C1orf87: variants seen among roughly 807,000 people sequenced by gnomAD.
The protein encoded by C1orf87 is chromosome 1 open reading frame 87.
In C1orf87, 58 loss-of-function variants were observed where a neutral mutation model predicts 60.5. The observed-to-expected ratio is 0.96, with a 90% CI of 0.78 to 1.19. The LOEUF (loss-of-function observed/expected upper bound fraction) is 1.19, where lower values mean the gene tolerates loss of function less well. Ranked by LOEUF, C1orf87 falls within the 50% of genes most tolerant of loss-of-function variation. The pLI is 0.00. For missense variants in C1orf87, 673 were observed against 638.6 expected (o/e 1.05, Z -0.58); for synonymous variants, 236 against 227.4 (o/e 1.04, Z -0.34).
At chr1:59,992,643 C>T (rs184919595) in intron 11 of C1orf87, among the ~76,000 whole-genome samples, 74 of 152,232 alleles carry the variant, frequency 4.9e-4, no homozygotes, top group African/African-American at 1.7e-3. Context: ...TGTCATTTTG[C>T]GGAAAGCCAC....
At chr1:59,992,497 C>T (rs762126854) in intron 11 of C1orf87, among the ~76,000 whole-genome samples, 68 of 152,186 alleles carry the variant, frequency 4.5e-4, no homozygotes, top group East Asian at 1.4e-3. Flanking sequence ...TCAAGCAACC[C>T]TCCCCCTAAT....
At chr1:60,029,369 C>T (rs1212723456) in intron 7 of C1orf87, among the ~76,000 whole-genome samples, 20 of 152,124 alleles carry the variant, frequency 1.3e-4, no homozygotes. Flanking sequence ...AATCAATTCT[C>T]CAAATTCGAT....
chr1:60,034,458 G>A (rs1645261066), intron 6 of C1orf87, among the ~76,000 whole-genome samples: 1 of 152,136 alleles, frequency 6.6e-6, no homozygotes, highest in African/African-American at 2.4e-5. Context: ...TCCCTAGAGG[G>A]ACAGTCCATG....
intron 7 of C1orf87, among the ~76,000 whole-genome samples, chr1:60,031,088 C>T (rs1437203691): frequency 1.3e-5 from 2 of 152,018 alleles, no homozygotes; most frequent in Non-Finnish European, 2.9e-5. Context: ...CTCTTCTGCA[C>T]CCAAAGGAAA....
chr1:60,039,117 A>C (rs1645299404), intron 5 of C1orf87, among the ~76,000 whole-genome samples: 1 of 152,176 alleles, frequency 6.6e-6, no homozygotes, highest in African/African-American at 2.4e-5. Context: ...TTTCTGGATG[A>C]GATCATTGAG....
intron 3 of C1orf87, among the ~76,000 whole-genome samples, chr1:60,048,077 G>T (rs1645386025): frequency 6.6e-6 from 1 of 151,966 alleles, no homozygotes; most frequent in East Asian, 1.9e-4. Context: ...AATTAAGATT[G>T]GTCTATGTGA....
At chr1:60,066,785 T>C (rs985387996) in intron 2 of C1orf87, among the ~76,000 whole-genome samples, 1 of 152,058 alleles carries the variant, frequency 6.6e-6, no homozygotes, top group Non-Finnish European at 1.5e-5. Flanking sequence ...CATCAACCTG[T>C]CACCTACATT....
At chr1:60,022,663 CTCAT>C (rs529200652) in intron 8 of C1orf87, among the ~76,000 whole-genome samples, 28 of 152,010 alleles carry the variant, frequency 1.8e-4, no homozygotes, top group Middle Eastern at 3.4e-3. Context: ...TTTTTTTTCC[CTCAT>C]TAAGTTGAAA....
intron 2 of C1orf87, among the ~76,000 whole-genome samples, chr1:60,068,471 A>G (rs1242670902): frequency 6.6e-6 from 1 of 151,918 alleles, no homozygotes; most frequent in Non-Finnish European, 1.5e-5. Context: ...AATCCTCCCC[A>G]CCTCCAGCAA....
At chr1:60,010,838 C>T (rs192352078) in intron 8 of C1orf87, 1 of 152,666 alleles carries the variant, frequency 6.6e-6, no homozygotes, top group Non-Finnish European at 1.5e-5. Flanking sequence ...AACAAAAAAA[C>T]ACTTGCCAGT....
chr1:60,048,965 T>G (rs2100309487), intron 3 of C1orf87, among the ~76,000 whole-genome samples: 1 of 152,238 alleles, frequency 6.6e-6, no homozygotes, highest in South Asian at 2.1e-4. Context: ...GTACCTTAGT[T>G]TATTCAAACA....
At chr1:60,010,355 G>T in intron 9 of C1orf87, 37 bp downstream of exon 9, 1 of 1,564,976 alleles carries the variant, frequency 6.4e-7, no homozygotes, top group African/African-American at 1.4e-5. Flanking sequence ...GTGAAAAATG[G>T]AAGGTCTCTC....
chr1:60,031,692 C>T (rs1645238643), intron 7 of C1orf87, among the ~76,000 whole-genome samples: 1 of 152,056 alleles, frequency 6.6e-6, no homozygotes, highest in African/African-American at 2.4e-5. Context: ...ATATTTGGGA[C>T]CCAGATTTGC....
chr1:60,028,840 C>CT (rs958541335), intron 7 of C1orf87, among the ~76,000 whole-genome samples: 45 of 145,492 alleles, frequency 3.1e-4, no homozygotes, highest in African/African-American at 4.5e-4. Context: ...TTGTTTTTTG[C>CT]TTTTTTTTTT....
intron 2 of C1orf87, among the ~76,000 whole-genome samples, chr1:60,055,768 C>T (rs1458002385): frequency 6.6e-6 from 1 of 152,042 alleles, no homozygotes; most frequent in Non-Finnish European, 1.5e-5. Context: ...GTAAATGTAA[C>T]AGGTATTTTC....
chr1:60,009,720 GA>G (rs1645069829), intron 9 of C1orf87, among the ~76,000 whole-genome samples: 1 of 151,874 alleles, frequency 6.6e-6, no homozygotes, highest in Admixed American at 6.6e-5. Context: ...ATAGTAAATA[GA>G]AAAACTACAA....
intron 2 of C1orf87, among the ~76,000 whole-genome samples, chr1:60,065,345 C>T (rs7543186): frequency 1.3e-5 from 2 of 151,506 alleles, no homozygotes; most frequent in South Asian, 4.2e-4. Context: ...CATACGCACA[C>T]GGAGGAAGGC....
intron 2 of C1orf87, among the ~76,000 whole-genome samples, chr1:60,057,164 A>AAGCAAGAG (rs1645463136): frequency 6.6e-6 from 1 of 152,202 alleles, no homozygotes; most frequent in Non-Finnish European, 1.5e-5. Context: ...CTTCGTAGAA[A>AAGCAAGAG]AGCAAGAGGA....
chr1:60,058,533 ATAT>A (rs1172826244), intron 2 of C1orf87, among the ~76,000 whole-genome samples: 7 of 152,210 alleles, frequency 4.6e-5, no homozygotes, highest in Non-Finnish European at 1.0e-4. Flanking sequence ...TACATAAATA[ATAT>A]TATTGCTGAA....
Sources: allele counts gnomAD v4.1 joint callset (sites outside exome capture counted in the v4.1 genomes callset), GRCh38; gene constraint gnomAD v4.1.1; transcripts MANE v1.5; gene names NCBI Gene and HGNC (gene_info 2026-07-23, HGNC 2026-07-21).